MORC1: variants seen among roughly 807,000 people sequenced by gnomAD.
MORC1 encodes the protein MORC family CW-type zinc finger protein 1.
MORC1 carries 59 observed loss-of-function variants against 134.9 expected under a neutral mutation model. The observed-to-expected ratio is 0.44, with a 90% CI of 0.35 to 0.54. The LOEUF (loss-of-function observed/expected upper bound fraction) is 0.54. MORC1 is among the 20% of genes least tolerant of loss of function. The probability of loss-of-function intolerance (pLI) is 0.00; values close to 1 mark genes in which losing one functional copy is unlikely to be tolerated. For synonymous variants in MORC1, 395 were observed against 391.7 expected, an observed-to-expected ratio of 1.01 and a Z score of -0.10; for missense variants, 947 against 1,134.5, an observed-to-expected ratio of 0.83 and a Z score of 2.37.
chr3:109,103,805 T>C, intron 4 of MORC1, 44 bp downstream of exon 4: 1 of 1,501,976 alleles, frequency 6.7e-7, no homozygotes, highest in Non-Finnish European at 9.3e-7. Flanking sequence ...GTTTTCAGAC[T>C]GTTTCCTTTA....
At chr3:109,099,489 C>T (rs1319996185) in intron 5 of MORC1, 23 bp from the exon 6 acceptor site, 2 of 1,543,658 alleles carry the variant, frequency 1.3e-6, no homozygotes, top group Non-Finnish European at 1.8e-6. Context: ...TGAAGAACAT[C>T]ATGTTTTACA....
At chr3:109,002,520 T>C (rs7651506) in intron 20 of MORC1, among the ~76,000 whole-genome samples, 4,770 of 152,196 alleles carry the variant, frequency 0.031, 233 homozygotes, top group African/African-American at 0.11. Flanking sequence ...TAGAAGAGCA[T>C]ACACTGGGCT....
At chr3:108,959,214 C>T in intron 27 of MORC1, 94 bp from the exon 28 acceptor site, 1 of 1,061,296 alleles carries the variant, frequency 9.4e-7, no homozygotes, top group Non-Finnish European at 1.3e-6. Flanking sequence ...CCCTATGACT[C>T]ATGCTGCAAC....
intron 27 of MORC1, among the ~76,000 whole-genome samples, chr3:108,962,072 A>G (rs536286783): frequency 2.0e-5 from 3 of 152,298 alleles, no homozygotes; most frequent in African/African-American, 7.2e-5. Flanking sequence ...AAGGAGCTCT[A>G]CTGAAATCCT....
chr3:109,007,157 A>G, intron 17 of MORC1, 66 bp from the exon 18 acceptor site: 1 of 1,194,662 alleles, frequency 8.4e-7, no homozygotes, highest in Non-Finnish European at 1.2e-6. Flanking sequence ...GCATAGGGTA[A>G]TAATTCAGCA....
At chr3:108,982,726 T>TTA (rs1459354661) in intron 23 of MORC1, among the ~76,000 whole-genome samples, 2 of 117,864 alleles carry the variant, frequency 1.7e-5, no homozygotes, top group Non-Finnish European at 3.4e-5. Context: ...ACTTAAAGTA[T>TTA]AAAAAAAAAA....
rs60857718 is a variant in MORC1, at chr3:109,072,891, C to A, written c.690-3134G>T. Among the ~76,000 whole-genome samples, 952 of 151,050 alleles carry A rather than the reference C, an allele frequency of 6.3e-3. 5 individuals carry two copies. Among genetic ancestry groups the A allele is most frequent in the African/African-American group, 0.012 (507 of 40,858 alleles). Reference sequence around the variant, plus strand: ...CTCTCATTTTCTATGTAACTGGCTACGATAAGAAACTGAAGAAAGGAAGAG... The same window carrying A: ...CTCTCATTTTCTATGTAACTGGCTAAGATAAGAAACTGAAGAAAGGAAGAG... On this transcript the variant is annotated intron_variant, in intron 8 of 27. Transcript: ENST00000232603.
Position 109,041,523 on chromosome 3 carries a change from C to A in MORC1, c.1331-6055G>T, listed in dbSNP as rs1576668192. On this transcript the variant is annotated intron_variant, in intron 14 of 27. Transcript: ENST00000232603. The stretch of plus-strand genomic sequence containing the variant: ...GATCAGGAGTTCAAGACCAGCCTGG[C>A]CAACATGGTAAACCCCATCTCTACT... Among the ~76,000 whole-genome samples, 4 of 152,122 alleles carry A rather than the reference C, an allele frequency of 2.6e-5. No homozygotes were observed. In the South Asian group the frequency reaches 8.3e-4, roughly 32 times the overall value.
chr3:108,979,457 T>G (rs996683168), intron 24 of MORC1, 58 bp downstream of exon 24: 7 of 1,569,284 alleles, frequency 4.5e-6, no homozygotes, highest in Non-Finnish European at 6.1e-6. Context: ...CAACAGGAGT[T>G]GTCACTGCTT....
chr3:108,998,286 TACC>T (rs1347724098), intron 21 of MORC1, among the ~76,000 whole-genome samples: 1 of 152,228 alleles, frequency 6.6e-6, no homozygotes, highest in African/African-American at 2.4e-5. Context: ...TATGCTATAA[TACC>T]ACAGTTTCAT....
intron 1 of MORC1, among the ~76,000 whole-genome samples, chr3:109,115,985 G>A (rs145969643): frequency 5.9e-5 from 9 of 152,232 alleles, no homozygotes; most frequent in East Asian, 1.9e-4. Flanking sequence ...TGCAGAGTAC[G>A]GTAGAAACTT....
At chr3:109,025,549 T>C (rs1949056525) in intron 17 of MORC1, among the ~76,000 whole-genome samples, 1 of 151,872 alleles carries the variant, frequency 6.6e-6, no homozygotes, top group South Asian at 2.1e-4. Flanking sequence ...ACCCAGCTAA[T>C]TTTTTGTATT....
rs1195269849 is a variant in MORC1 at position 108,958,908 on chromosome 3, A to T, written c.*57T>A. On this transcript the variant is annotated 3_prime_UTR_variant, in exon 28 of 28. Coordinates refer to ENST00000232603, the MANE Select transcript of MORC1 (RefSeq NM_014429.4). ...ACAACAACAAAAAAGAAAAATTTTT[A>T]AAAGAATCTTCCAATTTTCTTATTA... The T allele has an allele frequency of 3.2e-6, 4 of 1,268,714 alleles. No individual in the cohort carries two copies. The East Asian group carries it at 8.3e-5, about 26-fold the overall frequency. 78.6% of individuals were successfully genotyped at this position (1,268,714 alleles called of 1,614,324 possible). A position where few individuals can be genotyped will look rare whatever the true frequency, so the allele number is the denominator to read the frequency against.
At chr3:109,039,001 C>T (rs1236889422) in intron 14 of MORC1, among the ~76,000 whole-genome samples, 1 of 152,202 alleles carries the variant, frequency 6.6e-6, no homozygotes, top group Non-Finnish European at 1.5e-5. Flanking sequence ...ACTGCAACCT[C>T]TGCCTCCTGG....
intron 14 of MORC1, among the ~76,000 whole-genome samples, chr3:109,036,253 C>G (rs1325883136): frequency 6.6e-6 from 1 of 151,978 alleles, no homozygotes; most frequent in Non-Finnish European, 1.5e-5. Flanking sequence ...ATCAAGATCT[C>G]CAAGTTAAAG....
chr3:109,032,913 A>T, intron 15 of MORC1, 88 bp from the exon 16 acceptor site: 1 of 852,260 alleles, frequency 1.2e-6, no homozygotes, highest in Non-Finnish European at 1.9e-6. Flanking sequence ...CAAAAGTATG[A>T]GGTATCTCTC....
chr3:109,095,538 C>T (rs1042094909), intron 6 of MORC1, among the ~76,000 whole-genome samples: 1 of 152,194 alleles, frequency 6.6e-6, no homozygotes, highest in Admixed American at 6.5e-5. Flanking sequence ...AGATCCCCAT[C>T]AGCAACAGCT....
chr3:108,985,521 G>A (rs1353989512), intron 22 of MORC1, among the ~76,000 whole-genome samples: 1 of 152,160 alleles, frequency 6.6e-6, no homozygotes, highest in Non-Finnish European at 1.5e-5. Flanking sequence ...AGTTCTAGAT[G>A]GTGGGTAAAT....
chr3:109,111,064 A>C (rs1278130709), intron 2 of MORC1, among the ~76,000 whole-genome samples: 349 of 150,970 alleles, frequency 2.3e-3, no homozygotes, highest in Admixed American at 3.4e-3. Flanking sequence ...AAAAAAAAAA[A>C]AAAACAAAAA....
Sources: gnomAD v4.1 joint callset for allele counts (sites outside exome capture counted in the v4.1 genomes callset) on GRCh38, gnomAD v4.1.1 for gene constraint, MANE v1.5 for transcripts, NCBI Gene and HGNC (gene_info 2026-07-23, HGNC 2026-07-21) for gene names.